MTDH: variants seen among roughly 807,000 people sequenced by gnomAD.
MTDH encodes the protein protein LYRIC.
In MTDH, 34 loss-of-function variants were observed where a neutral mutation model predicts 72.7. The observed-to-expected ratio is 0.47, with a 90% CI of 0.36 to 0.62. The LOEUF (loss-of-function observed/expected upper bound fraction) is 0.62, where lower values mean the gene tolerates loss of function less well. Among genes scored for constraint, MTDH ranks in the 20% least tolerant of loss-of-function variants. The pLI, the probability that MTDH is intolerant of heterozygous loss-of-function variation, is 0.00. For synonymous variants in MTDH, 266 were observed against 268.9 expected (o/e 0.99, Z 0.10); for missense variants, 677 against 699.4 (o/e 0.97, Z 0.36).
chr8:97,686,611 C>A, intron 2 of MTDH, 57 bp from the exon 3 acceptor site: 1 of 1,067,828 alleles, frequency 9.4e-7, no homozygotes, highest in Non-Finnish European at 1.3e-6. Flanking sequence ...ATTTTACTGA[C>A]TCCTACTTAT....
chr8:97,708,129 G>A (rs1293748448), intron 8 of MTDH, among the ~76,000 whole-genome samples: 5 of 151,318 alleles, frequency 3.3e-5, no homozygotes, highest in East Asian at 3.9e-4. Flanking sequence ...CACCATGCCC[G>A]GCTAATTTTT....
In MTDH at chr8:97,661,918, CA is replaced by C. The variant is rs11440340; in HGVS notation, c.483+761del. ...AGCCTGGGCACCCGAGACCCTGTCT[CA>C]AAAAAAAAAAAAAAAGAAAAAAGAT... On this transcript the variant is annotated intron_variant, in intron 2 of 11. Transcript: ENST00000336273. 4.1e-3 allele frequency among the ~76,000 whole-genome samples: 448 copies of C among 110,256 alleles called. 2 individuals carry two copies. Among genetic ancestry groups the C allele is most frequent in the African/African-American group, 8.5e-3 (269 of 31,580 alleles). 72.3% of individuals were successfully genotyped at this position (110,256 alleles called of 152,430 possible). A position where few individuals can be genotyped will look rare whatever the true frequency, so the allele number is the denominator to read the frequency against.
chr8:97,722,862 A>G lies in MTDH; in HGVS notation c.1522-17A>G. On this transcript the variant is annotated splice_polypyrimidine_tract_variant and intron_variant, in intron 10 of 11. Coordinates refer to ENST00000336273, the MANE Select transcript of MTDH (RefSeq NM_178812.4). Reference sequence around the variant, plus strand: ...AAATTTCACCAAAAAACCTGAGATGATTTTTTCCTAAAATAGCCTATCAAG... The same window carrying G: ...AAATTTCACCAAAAAACCTGAGATGGTTTTTTCCTAAAATAGCCTATCAAG... The G allele has an allele frequency of 6.3e-7, 1 of 1,580,014 alleles. No individual in the cohort carries two copies. The highest frequency in any genetic ancestry group is 8.6e-7 in the Non-Finnish European group (1 of 1,166,790).
At chr8:97,690,211 G>C (rs1813544076) in intron 5 of MTDH, among the ~76,000 whole-genome samples, 1 of 151,938 alleles carries the variant, frequency 6.6e-6, no homozygotes, top group African/African-American at 2.4e-5. Flanking sequence ...GGCTAGTCTT[G>C]AACCCTTGAC....
At chr8:97,689,389 G>A (rs1197226018) in intron 5 of MTDH, among the ~76,000 whole-genome samples, 1 of 151,488 alleles carries the variant, frequency 6.6e-6, no homozygotes, top group Non-Finnish European at 1.5e-5. Context: ...ACTTAAGTCA[G>A]TAGAGAAGAA....
intron 3 of MTDH, 31 bp from the exon 4 acceptor site, chr8:97,687,398 G>T: frequency 1.3e-6 from 2 of 1,554,632 alleles, no homozygotes; most frequent in South Asian, 2.5e-5. Context: ...TCCCCTTACT[G>T]AATAACATTT....
chr8:97,718,506 T>TTTTTG (rs1814970672), intron 9 of MTDH, among the ~76,000 whole-genome samples: 1 of 138,138 alleles, frequency 7.2e-6, no homozygotes, highest in Non-Finnish European at 1.5e-5. Flanking sequence ...TTTTTTTTTG[T>TTTTTG]TTTTGTTTTT....
intron 2 of MTDH, among the ~76,000 whole-genome samples, chr8:97,671,007 G>A (rs113440078): frequency 7.6e-6 from 1 of 131,132 alleles, no homozygotes; most frequent in African/African-American, 2.9e-5. Flanking sequence ...CGCCCAGGCC[G>A]GACTGCGGAC....
intron 10 of MTDH, 87 bp from the exon 11 acceptor site, chr8:97,722,792 C>T: frequency 2.9e-6 from 4 of 1,372,058 alleles, no homozygotes; most frequent in Non-Finnish European, 3.9e-6. Flanking sequence ...TGAATTGCTG[C>T]TAAACCACCT....
intron 6 of MTDH, among the ~76,000 whole-genome samples, chr8:97,692,085 T>A (rs1041062123): frequency 6.6e-6 from 1 of 152,226 alleles, no homozygotes; most frequent in African/African-American, 2.4e-5. Context: ...TTTGCCATGT[T>A]GGCGAGGCTG....
chr8:97,653,713 T>A (rs1811860415), intron 1 of MTDH, among the ~76,000 whole-genome samples: 1 of 152,206 alleles, frequency 6.6e-6, no homozygotes, highest in Admixed American at 6.5e-5. Flanking sequence ...ATTTTTAAAT[T>A]ATTATTCAAG....
At chr8:97,667,831 TAAAAAAAAAAAA>T (rs542822923) in intron 2 of MTDH, among the ~76,000 whole-genome samples, 2 of 116,310 alleles carry the variant, frequency 1.7e-5, no homozygotes, top group East Asian at 4.8e-4. Flanking sequence ...GTCTCTATAT[TAAAAAAAAAAAA>T]AAAAAAAGGA....
At chr8:97,682,227 ACTT>A (rs1813110139) in intron 2 of MTDH, among the ~76,000 whole-genome samples, 1 of 51,430 alleles carries the variant, frequency 1.9e-5, no homozygotes, top group Non-Finnish European at 3.5e-5. Flanking sequence ...CTTGTTAATT[ACTT>A]TATATATATA....
chr8:97,689,006 T>G, intron 4 of MTDH, 32 bp from the exon 5 acceptor site: 1 of 1,178,694 alleles, frequency 8.5e-7, no homozygotes, highest in Non-Finnish European at 1.2e-6. Flanking sequence ...CCCTATTTAG[T>G]ATTAAATAAA....
intron 10 of MTDH, among the ~76,000 whole-genome samples, 157 bp from the exon 11 acceptor site, chr8:97,722,722 G>A (rs1815177642): frequency 6.6e-6 from 1 of 152,014 alleles, no homozygotes; most frequent in Non-Finnish European, 1.5e-5. Flanking sequence ...TGATTGATTT[G>A]GCTGTATCAC....
At chr8:97,650,306 G>A (rs1466345067) in intron 1 of MTDH, among the ~76,000 whole-genome samples, 2 of 149,992 alleles carry the variant, frequency 1.3e-5, no homozygotes, top group Admixed American at 6.7e-5. Context: ...ACAGGGTCTG[G>A]CTGTGTCAAC....
intron 6 of MTDH, among the ~76,000 whole-genome samples, chr8:97,697,150 A>ATATATATATATATTTTT: frequency 4.4e-5 from 3 of 68,780 alleles, no homozygotes; most frequent in South Asian, 1.2e-3. Flanking sequence ...ATATATATAT[A>ATATATATATATATTTTT]TTTTTTTTTT....
intron 2 of MTDH, among the ~76,000 whole-genome samples, chr8:97,671,620 A>T (rs548265433): frequency 2.6e-4 from 39 of 152,226 alleles, no homozygotes; most frequent in African/African-American, 8.9e-4. Flanking sequence ...CCAGCACTTT[A>T]GGAGGCCAAG....
chr8:97,662,721 G>A (rs760260530), intron 2 of MTDH, among the ~76,000 whole-genome samples: 1 of 151,808 alleles, frequency 6.6e-6, no homozygotes, highest in Non-Finnish European at 1.5e-5. Context: ...AAGAGACAGA[G>A]GTTGCAGTAA....
Sources: gnomAD v4.1 joint callset for allele counts (sites outside exome capture counted in the v4.1 genomes callset) on GRCh38, gnomAD v4.1.1 for gene constraint, MANE v1.5 for transcripts, NCBI Gene and HGNC (gene_info 2026-07-23, HGNC 2026-07-21) for gene names.